The following THADA variants were observed in gnomAD, a reference collection of about 807,000 sequenced individuals.
The protein encoded by THADA is THADA armadillo repeat containing.
In THADA, 213 loss-of-function variants were observed where a neutral mutation model predicts 219.8. The observed-to-expected ratio is 0.97, with a 90% CI of 0.87 to 1.09. THADA has a LOEUF of 1.09. Among genes scored for constraint, THADA ranks in the 50% least tolerant of loss-of-function variants. The pLI is 0.00. For missense variants in THADA, 2,956 were observed against 2,311.3 expected (o/e 1.28, Z -5.72); for synonymous variants, 1,018 against 828.9 (o/e 1.23, Z -3.92).
At chr2:43,372,350 T>A (rs1031296057) in intron 29 of THADA, 9 of 152,194 alleles carry the variant, frequency 5.9e-5, no homozygotes, top group Admixed American at 2.0e-4. Context: ...ATAATAAACA[T>A]CACGGAGGAA....
intron 36 of THADA, chr2:43,277,373 C>G (rs1192354831): frequency 1.3e-5 from 2 of 152,918 alleles, no homozygotes; most frequent in Non-Finnish European, 2.9e-5. Flanking sequence ...CCAATCAGCT[C>G]CCGGGTTCTC....
chr2:43,541,436 G>A (rs546672690), intron 20 of THADA, 120 bp from the exon 21 acceptor site: 2 of 1,113,672 alleles, frequency 1.8e-6, no homozygotes, highest in Admixed American at 4.3e-5. Flanking sequence ...GATTTGTCAT[G>A]TTATATTTAC....
chr2:43,442,494 G>A (rs1237391860), intron 26 of THADA, among the ~76,000 whole-genome samples: 1 of 152,154 alleles, frequency 6.6e-6, no homozygotes, highest in South Asian at 2.1e-4. Flanking sequence ...AAATTAGTAA[G>A]ACTGGATTAA....
chr2:43,421,356 T>C (rs1413997842), intron 28 of THADA, among the ~76,000 whole-genome samples: 1 of 152,160 alleles, frequency 6.6e-6, no homozygotes. Flanking sequence ...CATACTCCTT[T>C]CCTATAATTC....
chr2:43,321,872 G>C (rs1056026218), intron 30 of THADA, among the ~76,000 whole-genome samples: 1 of 152,118 alleles, frequency 6.6e-6, no homozygotes, highest in Admixed American at 6.5e-5. Context: ...ATTGATATTG[G>C]CACAAGTGTT....
intron 24 of THADA, among the ~76,000 whole-genome samples, chr2:43,501,470 C>T (rs1262870042): frequency 6.6e-6 from 1 of 151,918 alleles, no homozygotes; most frequent in Non-Finnish European, 1.5e-5. Flanking sequence ...TAAATCAATA[C>T]ATTTAAATTC....
chr2:43,361,127 A>G (rs1345016939), intron 29 of THADA, among the ~76,000 whole-genome samples: 1 of 152,164 alleles, frequency 6.6e-6, no homozygotes, highest in East Asian at 1.9e-4. Flanking sequence ...GCACAGGACA[A>G]CTTCTTACAA....
Position 43,552,274 on chromosome 2 carries a change from C to G in THADA, c.2740G>C (p.Ala914Pro), listed in dbSNP as rs747656721. Residue 914 changes from alanine (A) to proline (P), a missense_variant, in exon 18 of 38, where the codon GCA becomes CCA. By Grantham distance (27) the Ala-to-Pro change is conservative. Transcript: ENST00000405975. ...CCATACATTGGAAATGCTGCTGCTG[C>G]CTGAAGCAGAGAATTTTCAGCCTGA... ...VSQAENSLLQ[A>P]AAAFPMYGRV... The G allele has an allele frequency of 6.2e-7, 1 of 1,610,956 alleles. No homozygotes were observed. Among genetic ancestry groups the G allele is most frequent in the Non-Finnish European group, 8.5e-7 (1 of 1,179,054 alleles).
In THADA at chr2:43,527,956, G is replaced by A. The variant is rs1189879719; in HGVS notation, c.3297C>T (p.His1099=). The change falls in exon 22 of 38, where the codon CAC becomes CAT. Residue 1099 remains histidine, a synonymous_variant. Coordinates refer to ENST00000405975, the MANE Select transcript of THADA (RefSeq NM_022065.5). ...CTCCTCTGTGCCTGGACTGCAAAAGGTGTTGTTTAAAGTAATCTCCTATTT... is the reference window on the plus strand; with the variant it reads ...CTCCTCTGTGCCTGGACTGCAAAAGATGTTGTTTAAAGTAATCTCCTATTT... ...VKEIGDYFKQ[H]LLQSRHRGAF... The A allele has an allele frequency of 6.2e-7, 1 of 1,613,154 alleles. No individual in the cohort carries two copies. The highest frequency in any genetic ancestry group is 1.1e-5 in the South Asian group (1 of 91,022).
chr2:43,316,620 G>C (rs527720415), intron 31 of THADA, among the ~76,000 whole-genome samples: 1 of 152,174 alleles, frequency 6.6e-6, no homozygotes, highest in South Asian at 2.1e-4. Context: ...TAGATGCATA[G>C]CTTCCAGCGA....
rs891868297 is a variant in THADA at position 43,484,731 on chromosome 2, T to G, written c.3836+503A>C. ...TAAACATAAAACTAAAGACCAAAAGTAAAAAGCACTGTTTATTTCTTGTGG... is the reference window on the plus strand; with the variant it reads ...TAAACATAAAACTAAAGACCAAAAGGAAAAAGCACTGTTTATTTCTTGTGG... On this transcript the variant is annotated intron_variant, in intron 26 of 37. Coordinates refer to ENST00000405975, the MANE Select transcript of THADA (RefSeq NM_022065.5). Among the ~76,000 whole-genome samples the G allele has an allele frequency of 9.2e-5, 14 of 151,942 alleles. 1 individual carries two copies. Among genetic ancestry groups the G allele is most frequent in the Non-Finnish European group, 1.9e-4 (13 of 67,920 alleles).
chr2:43,492,831 A>T (rs1687807424), intron 25 of THADA, among the ~76,000 whole-genome samples: 1 of 152,248 alleles, frequency 6.6e-6, no homozygotes, highest in Admixed American at 6.5e-5. Flanking sequence ...CTTCCAAAGT[A>T]GCAAGACACT....
chr2:43,513,257 G>C (rs986726351), intron 22 of THADA, among the ~76,000 whole-genome samples: 9 of 152,166 alleles, frequency 5.9e-5, no homozygotes, highest in African/African-American at 2.2e-4. Context: ...TGAAACAGCT[G>C]AGTTTCCATT....
At chr2:43,315,772 C>T (rs917763115) in intron 31 of THADA, among the ~76,000 whole-genome samples, 4 of 152,210 alleles carry the variant, frequency 2.6e-5, no homozygotes, top group African/African-American at 9.6e-5. Flanking sequence ...CAGCCAGTTA[C>T]ATTATTTTGG....
intron 21 of THADA, among the ~76,000 whole-genome samples, chr2:43,539,814 A>C (rs1323658375): frequency 6.6e-6 from 1 of 151,098 alleles, no homozygotes; most frequent in East Asian, 1.9e-4. Flanking sequence ...TTTTTTTTTT[A>C]ACAAACATCT....
At chr2:43,286,452 G>A (rs887398649) in intron 35 of THADA, among the ~76,000 whole-genome samples, 1 of 152,128 alleles carries the variant, frequency 6.6e-6, no homozygotes, top group East Asian at 1.9e-4. Flanking sequence ...TTAAGAGTGT[G>A]TTGGTGGTCT....
chr2:43,356,231 A>G (rs1558632001), intron 29 of THADA, among the ~76,000 whole-genome samples: 1 of 152,208 alleles, frequency 6.6e-6, no homozygotes, highest in African/African-American at 2.4e-5. Context: ...GTCCTTTGGG[A>G]AATGATATAG....
In THADA at chr2:43,398,053, G is replaced by C. The variant is rs1457327803; in HGVS notation, c.4145C>G (p.Thr1382Ser). Reference protein sequence around the residue: ...PFVMIDHIPNTIRTLLSTLPS... With the variant: ...PFVMIDHIPNSIRTLLSTLPS... ...GAGTGTGGACAACAGAGTTCGAATG[G>C]TATTAGGAATGTGATCTATCATAAC... Residue 1382 changes from threonine (T) to serine (S), a missense_variant, in exon 29 of 38, where the codon ACC (threonine) becomes AGC (serine). Physicochemically the swap from Thr to Ser is moderately conservative, Grantham distance 58. Coordinates refer to ENST00000405975, the MANE Select transcript of THADA (RefSeq NM_022065.5). 2 of 1,613,894 alleles carry C rather than the reference G, an allele frequency of 1.2e-6. No homozygotes were observed. Among genetic ancestry groups the C allele is most frequent in the Non-Finnish European group, 1.7e-6 (2 of 1,179,878 alleles).
intron 36 of THADA, among the ~76,000 whole-genome samples, chr2:43,255,689 T>G (rs911600479): frequency 6.6e-6 from 1 of 152,140 alleles, no homozygotes; most frequent in African/African-American, 2.4e-5. Flanking sequence ...GCCTCTAATA[T>G]TTGGTTTCCC....
Sources: allele counts gnomAD v4.1 joint callset (sites outside exome capture counted in the v4.1 genomes callset), GRCh38; gene constraint gnomAD v4.1.1; transcripts MANE v1.5; gene names NCBI Gene and HGNC (gene_info 2026-07-23, HGNC 2026-07-21).